BARX2: variants seen among roughly 807,000 people sequenced by gnomAD.
BARX2 encodes the protein homeobox protein BarH-like 2.
A neutral mutation model predicts 25.5 loss-of-function variants in BARX2; 11 were observed. That is an observed-to-expected ratio of 0.43 (90% confidence interval 0.27 to 0.71). The LOEUF (loss-of-function observed/expected upper bound fraction) is 0.71, where lower values mean the gene tolerates loss of function less well. Ranked by LOEUF, BARX2 falls within the 30% of genes least tolerant of loss-of-function variation. The pLI, the probability that BARX2 is intolerant of heterozygous loss-of-function variation, is 0.19. For missense variants in BARX2, 360 were observed against 359.9 expected, an observed-to-expected ratio of 1.00 and a Z score of 0.00; for synonymous variants, 137 against 149.5, an observed-to-expected ratio of 0.92 and a Z score of 0.61.
At chr11:129,388,079 A>AT (rs1358110545) in intron 1 of BARX2, among the ~76,000 whole-genome samples, 1 of 142,278 alleles carries the variant, frequency 7.0e-6, no homozygotes, top group Non-Finnish European at 1.5e-5. Flanking sequence ...GTCTCATTAC[A>AT]TATAGGCAAC....
intron 1 of BARX2, among the ~76,000 whole-genome samples, chr11:129,380,932 A>G (rs1205540892): frequency 6.6e-6 from 1 of 151,578 alleles, no homozygotes; most frequent in African/African-American, 2.4e-5. Context: ...GCCCATGACC[A>G]CACCCAGCTA....
intron 1 of BARX2, among the ~76,000 whole-genome samples, chr11:129,377,035 T>A (rs1861511597): frequency 6.6e-6 from 1 of 152,256 alleles, no homozygotes; most frequent in Admixed American, 6.5e-5. Context: ...TCAAAGTATC[T>A]CGGCATTGTT....
intron 1 of BARX2, among the ~76,000 whole-genome samples, chr11:129,415,430 A>G (rs1451072701): frequency 2.1e-5 from 3 of 143,666 alleles, no homozygotes; most frequent in South Asian, 2.3e-4. Flanking sequence ...TTACAGGACT[A>G]TTCTAGGCAG....
intron 1 of BARX2, among the ~76,000 whole-genome samples, chr11:129,415,764 C>G (rs2135400635): frequency 6.6e-6 from 1 of 152,352 alleles, no homozygotes; most frequent in Admixed American, 6.5e-5. Context: ...CTTGCTCCAA[C>G]TTTACTTTGT....
chr11:129,404,845 T>C (rs1386457804), intron 1 of BARX2, among the ~76,000 whole-genome samples: 1 of 152,200 alleles, frequency 6.6e-6, no homozygotes, highest in Non-Finnish European at 1.5e-5. Context: ...AATGGAGCAC[T>C]CTCTCAGCCT....
chr11:129,378,592 G>T (rs1861529471), intron 1 of BARX2, among the ~76,000 whole-genome samples: 1 of 122,112 alleles, frequency 8.2e-6, no homozygotes. Flanking sequence ...TTGCTAGATG[G>T]AACTAAATGT....
intron 1 of BARX2, among the ~76,000 whole-genome samples, chr11:129,385,964 T>C (rs1861613587): frequency 6.6e-6 from 1 of 152,222 alleles, no homozygotes; most frequent in Non-Finnish European, 1.5e-5. Context: ...AGTGGGAAAC[T>C]GAGAACACTT....
intron 1 of BARX2, among the ~76,000 whole-genome samples, chr11:129,429,697 G>T (rs548926291): frequency 6.6e-6 from 1 of 152,216 alleles, no homozygotes; most frequent in South Asian, 2.1e-4. Flanking sequence ...TAGTTCAGTA[G>T]AACAGGACAA....
At position 129,436,476 on chromosome 11, in the gene BARX2, G is replaced by A. The variant is rs1264664661; in HGVS notation, c.188-275G>A. 2.6e-6 allele frequency: 1 copy of A among 385,102 alleles called. No homozygotes were observed. Among genetic ancestry groups the A allele is most frequent in the Non-Finnish European group, 4.6e-6 (1 of 217,824 alleles). 23.9% of individuals were successfully genotyped at this position (385,102 alleles called of 1,614,324 possible). Reference sequence around the variant, plus strand: ...GACCAAGAATTTAGGGATTCCGAAGGGAGAGAGGGGAAAGATCTGCTTAAA... The same window carrying A: ...GACCAAGAATTTAGGGATTCCGAAGAGAGAGAGGGGAAAGATCTGCTTAAA... On this transcript the variant is annotated intron_variant, in intron 1 of 3. Transcript: ENST00000281437. The surrounding 1 kb of genome is among the most constrained non-coding windows in gnomAD (Gnocchi z 4.5).
intron 1 of BARX2, among the ~76,000 whole-genome samples, chr11:129,387,181 C>G (rs1861624434): frequency 6.6e-6 from 1 of 152,204 alleles, no homozygotes; most frequent in Admixed American, 6.5e-5. Flanking sequence ...TTTCGACCTC[C>G]TGGAACTCTC....
At chr11:129,412,140 C>T (rs962454391) in intron 1 of BARX2, among the ~76,000 whole-genome samples, 4 of 151,964 alleles carry the variant, frequency 2.6e-5, no homozygotes, top group South Asian at 4.2e-4. Context: ...GGCATGGTGG[C>T]GGGCGCCTGT....
chr11:129,424,002 A>G (rs1232650564), intron 1 of BARX2, among the ~76,000 whole-genome samples: 1 of 151,912 alleles, frequency 6.6e-6, no homozygotes, highest in Non-Finnish European at 1.5e-5. Flanking sequence ...GGTGCCTGCC[A>G]CCATGCCTGG....
chr11:129,432,203 C>T (rs1442174289), intron 1 of BARX2, among the ~76,000 whole-genome samples: 2 of 152,214 alleles, frequency 1.3e-5, no homozygotes, highest in African/African-American at 4.8e-5. Flanking sequence ...GCTGGGATTA[C>T]AGGTGCGTGC....
At chr11:129,442,976 G>A in intron 3 of BARX2, 57 bp downstream of exon 3, 15 of 1,510,154 alleles carry the variant, frequency 9.9e-6, no homozygotes, top group Non-Finnish European at 1.3e-5. Context: ...TTTTACTCCA[G>A]GGCTGTTGGG....
chr11:129,404,677 G>A (rs774236423), intron 1 of BARX2, among the ~76,000 whole-genome samples: 6 of 152,196 alleles, frequency 3.9e-5, no homozygotes, highest in Admixed American at 1.3e-4. Context: ...GGGCCTTGCT[G>A]TTATTTCATG....
chr11:129,437,295 C>G, intron 2 of BARX2: 1 of 568,840 alleles, frequency 1.8e-6, no homozygotes, highest in Non-Finnish European at 2.6e-6. Flanking sequence ...CATATTTGAA[C>G]TTAACTATTT....
At chr11:129,379,558 C>A (rs1861539638) in intron 1 of BARX2, among the ~76,000 whole-genome samples, 1 of 151,870 alleles carries the variant, frequency 6.6e-6, no homozygotes, top group Non-Finnish European at 1.5e-5. Context: ...TGGAAAAGCC[C>A]ACTTGAAGAA....
At chr11:129,449,193 C>G (rs1038802063) in intron 3 of BARX2, among the ~76,000 whole-genome samples, 3 of 152,102 alleles carry the variant, frequency 2.0e-5, no homozygotes, top group Non-Finnish European at 4.4e-5. Context: ...ATGGATTTGG[C>G]ATGTGAATTA....
intron 1 of BARX2, among the ~76,000 whole-genome samples, chr11:129,382,741 T>C (rs898355672): frequency 3.9e-5 from 6 of 152,182 alleles, no homozygotes; most frequent in Non-Finnish European, 7.3e-5. Flanking sequence ...AATGGGTGTT[T>C]CTAGTGTGGC....
Sources: allele counts gnomAD v4.1 joint callset (sites outside exome capture counted in the v4.1 genomes callset), GRCh38; gene constraint gnomAD v4.1.1; non-coding constraint Gnocchi (gnomAD v3.1); transcripts MANE v1.5; gene names NCBI Gene and HGNC (gene_info 2026-07-23, HGNC 2026-07-21).